The following CFAP299 variants were observed in gnomAD, a reference collection of about 807,000 sequenced individuals.
The protein encoded by CFAP299 is cilia- and flagella-associated protein 299.
In CFAP299, 21 loss-of-function variants were observed where a neutral mutation model predicts 27.0. That is an observed-to-expected ratio of 0.78 (90% CI 0.55 to 1.12). The LOEUF (loss-of-function observed/expected upper bound fraction) is 1.12, where lower values mean the gene tolerates loss of function less well. CFAP299 is among the 50% of genes most tolerant of loss of function. The pLI, the probability that CFAP299 is intolerant of heterozygous loss-of-function variation, is 0.00. For missense variants in CFAP299, 310 were observed against 276.6 expected (o/e 1.12, Z -0.86); for synonymous variants, 104 against 98.1 (o/e 1.06, Z -0.36).
At chr4:80,774,975 C>T (rs1726439882) in intron 3 of CFAP299, among the ~76,000 whole-genome samples, 1 of 151,458 alleles carries the variant, frequency 6.6e-6, no homozygotes, top group African/African-American at 2.4e-5. Context: ...TTAGTGGGTG[C>T]AGCGCACCAG....
chr4:80,449,467 T>A (rs1728794186), intron 2 of CFAP299, among the ~76,000 whole-genome samples: 1 of 151,920 alleles, frequency 6.6e-6, no homozygotes, highest in African/African-American at 2.4e-5. Flanking sequence ...GTCTGATTCT[T>A]GATGGAATTT....
chr4:80,406,804 T>C (rs772013118), intron 2 of CFAP299, among the ~76,000 whole-genome samples: 1 of 152,216 alleles, frequency 6.6e-6, no homozygotes, highest in Non-Finnish European at 1.5e-5. Flanking sequence ...AAGCTATTGA[T>C]AGGCATCTCA....
At chr4:80,519,586 CAA>C (rs1732799916) in intron 2 of CFAP299, among the ~76,000 whole-genome samples, 1 of 151,926 alleles carries the variant, frequency 6.6e-6, no homozygotes, top group Admixed American at 6.6e-5. Context: ...AATTAAAACT[CAA>C]AAATATAACA....
At chr4:80,854,564 A>T (rs925410086) in intron 3 of CFAP299, among the ~76,000 whole-genome samples, 1 of 152,002 alleles carries the variant, frequency 6.6e-6, no homozygotes, top group African/African-American at 2.4e-5. Context: ...ACAGGATGAA[A>T]GGAAGAACAC....
Position 80,756,347 on chromosome 4 carries a change from C to A in CFAP299, c.334-113646C>A, listed in dbSNP as rs28671019. ...CCCTAAGCATGAAAATATATTTAAG[C>A]AAATTATTTTTCTATGACTAGCCAC... On this transcript the variant is annotated intron_variant, in intron 3 of 5. Coordinates refer to ENST00000358105, the MANE Select transcript of CFAP299 (RefSeq NM_152770.3). 2.5e-3 allele frequency among the ~76,000 whole-genome samples: 387 copies of A among 151,934 alleles called. 1 individual carries two copies. The highest frequency in any genetic ancestry group is 8.8e-3 in the African/African-American group (366 of 41,440).
the CFAP299 span, among the ~76,000 whole-genome samples, chr4:80,324,749 T>C: frequency 6.6e-6 from 1 of 152,226 alleles, no homozygotes; most frequent in East Asian, 1.9e-4. Flanking sequence ...GTGCTGGCAG[T>C]TATATATTGG....
At position 80,503,373 on chromosome 4, in the gene CFAP299, C is replaced by G. The variant is rs74365800; in HGVS notation, c.243-79720C>G. On this transcript the variant is annotated intron_variant, in intron 2 of 5. Coordinates refer to ENST00000358105, the MANE Select transcript of CFAP299 (RefSeq NM_152770.3). ...CCTCCTCTATTTTTTTACTGGTGAG[C>G]ATCTCTTACCCAATATCCAAAGCCC... is the stretch of plus-strand genomic sequence containing the variant. 8.1e-4 allele frequency among the ~76,000 whole-genome samples: 124 copies of G among 152,176 alleles called. 1 individual carries two copies. The highest frequency in any genetic ancestry group is 2.9e-3 in the African/African-American group (121 of 41,532).
At chr4:80,507,081 T>C (rs1213584336) in intron 2 of CFAP299, among the ~76,000 whole-genome samples, 1 of 152,156 alleles carries the variant, frequency 6.6e-6, no homozygotes, top group Non-Finnish European at 1.5e-5. Flanking sequence ...AATTTCAAGT[T>C]GTTCTATTAT....
chr4:80,631,648 T>A (rs1739209570), intron 3 of CFAP299, among the ~76,000 whole-genome samples: 1 of 152,196 alleles, frequency 6.6e-6, no homozygotes, highest in Non-Finnish European at 1.5e-5. Flanking sequence ...CTGTCATAAA[T>A]CCATTTGTAT....
intron 2 of CFAP299, among the ~76,000 whole-genome samples, chr4:80,517,935 C>T (rs146742413): frequency 9.7e-4 from 148 of 152,214 alleles, no homozygotes; most frequent in African/African-American, 3.4e-3. Context: ...CATTAAGAAA[C>T]TGGGTGCCTT....
At chr4:80,373,708 C>T (rs548555868) in intron 2 of CFAP299, among the ~76,000 whole-genome samples, 3 of 152,072 alleles carry the variant, frequency 2.0e-5, no homozygotes, top group Non-Finnish European at 4.4e-5. Flanking sequence ...AATTACAAGT[C>T]CCTGGTGTCT....
chr4:80,790,468 A>C (rs1231210575), intron 3 of CFAP299: 2 of 152,062 alleles, frequency 1.3e-5, no homozygotes, highest in Non-Finnish European at 2.9e-5. Context: ...CCTAAGTGAT[A>C]GTATTAGGAG....
At chr4:80,669,077 T>G (rs1191366963) in intron 3 of CFAP299, among the ~76,000 whole-genome samples, 1 of 151,180 alleles carries the variant, frequency 6.6e-6, no homozygotes, top group East Asian at 1.9e-4. Context: ...TCTTTGTAGC[T>G]CTTGTAAATA....
At chr4:80,805,860 C>T (rs1033842762) in intron 3 of CFAP299, among the ~76,000 whole-genome samples, 4 of 151,658 alleles carry the variant, frequency 2.6e-5, no homozygotes, top group South Asian at 2.1e-4. Context: ...GCTGAGAGAG[C>T]GAGAGACCTT....
intron 4 of CFAP299, among the ~76,000 whole-genome samples, chr4:80,886,420 G>T (rs1301177841): frequency 6.6e-6 from 1 of 152,200 alleles, no homozygotes; most frequent in African/African-American, 2.4e-5. Flanking sequence ...GACACAGAGA[G>T]AAACTTCATT....
At chr4:80,447,133 T>G (rs867793048) in intron 2 of CFAP299, among the ~76,000 whole-genome samples, 11 of 110,378 alleles carry the variant, frequency 1.0e-4, no homozygotes, top group African/African-American at 5.0e-4. Flanking sequence ...TTTTTTTGTT[T>G]TTTTTTTTTT....
At chr4:80,872,117 G>T (rs1194506758) in intron 4 of CFAP299, 1 of 151,852 alleles carries the variant, frequency 6.6e-6, no homozygotes, top group Non-Finnish European at 1.5e-5. Context: ...TACTATCTAT[G>T]TTCCTCTATT....
At chr4:80,481,490 A>G (rs1230138848) in intron 2 of CFAP299, among the ~76,000 whole-genome samples, 1 of 152,084 alleles carries the variant, frequency 6.6e-6, no homozygotes, top group Admixed American at 6.6e-5. Context: ...CATCTATTTT[A>G]CTGGCTTTTT....
intron 2 of CFAP299, among the ~76,000 whole-genome samples, chr4:80,528,420 T>C (rs1166329759): frequency 6.6e-6 from 1 of 152,136 alleles, no homozygotes; most frequent in Admixed American, 6.6e-5. Flanking sequence ...TAGTGTTTCA[T>C]AATGTGGTAG....
Sources: allele counts gnomAD v4.1 joint callset (sites outside exome capture counted in the v4.1 genomes callset), GRCh38; gene constraint gnomAD v4.1.1; transcripts MANE v1.5; gene names NCBI Gene and HGNC (gene_info 2026-07-23, HGNC 2026-07-21).